Variants in NEXN observed in about 807,000 individuals in gnomAD.
NEXN encodes nexilin F-actin binding protein.
NEXN carries 65 observed loss-of-function variants against 92.6 expected under a neutral mutation model. That is an observed-to-expected ratio of 0.70 (90% confidence interval 0.57 to 0.86). The LOEUF (loss-of-function observed/expected upper bound fraction) is 0.86, where lower values mean the gene tolerates loss of function less well. NEXN is among the 40% of genes least tolerant of loss of function. The pLI, the probability that NEXN is intolerant of heterozygous loss-of-function variation, is 0.00. For missense variants in NEXN, 778 were observed against 771.1 expected, an observed-to-expected ratio of 1.01 and a Z score of -0.11; for synonymous variants, 254 against 242.5, an observed-to-expected ratio of 1.05 and a Z score of -0.44.
intron 1 of NEXN, among the ~76,000 whole-genome samples, chr1:77,913,307 C>T (rs1450733179): frequency 5.3e-5 from 8 of 151,464 alleles, no homozygotes; most frequent in South Asian, 2.1e-4. Context: ...CCCAGCTGCT[C>T]GGGAGGCTGA....
chr1:77,932,935 C>T, intron 9 of NEXN: 1 of 204,186 alleles, frequency 4.9e-6, no homozygotes, highest in South Asian at 8.6e-5. Context: ...GAGGCCAAGG[C>T]AGACGGATCA....
At chr1:77,894,785 G>A (rs1362080646) in intron 1 of NEXN, among the ~76,000 whole-genome samples, 3 of 150,874 alleles carry the variant, frequency 2.0e-5, no homozygotes, top group Non-Finnish European at 3.0e-5. Flanking sequence ...GCCTGATCCC[G>A]GCTAACTGCA....
At chr1:77,897,676 A>G (rs946683960) in intron 1 of NEXN, among the ~76,000 whole-genome samples, 1 of 152,184 alleles carries the variant, frequency 6.6e-6, no homozygotes, top group Non-Finnish European at 1.5e-5. Context: ...TAGGCAGGAG[A>G]AGGAAATAAA....
intron 5 of NEXN, among the ~76,000 whole-genome samples, chr1:77,918,891 T>A (rs1289630212): frequency 6.6e-6 from 1 of 152,184 alleles, no homozygotes; most frequent in Non-Finnish European, 1.5e-5. Flanking sequence ...TGTAAGGCAA[T>A]TTCACATATA....
intron 1 of NEXN, among the ~76,000 whole-genome samples, chr1:77,910,446 A>C (rs1648469742): frequency 6.6e-6 from 1 of 152,152 alleles, no homozygotes; most frequent in Non-Finnish European, 1.5e-5. Context: ...TCTATGAAAA[A>C]GCCAATAGAA....
Position 77,917,650 on chromosome 1 carries a change from A to G in NEXN, c.112A>G (p.Met38Val). 6.2e-7 allele frequency: 1 copy of G among 1,613,454 alleles called. No individual in the cohort carries two copies. The highest frequency in any genetic ancestry group is 8.5e-7 in the Non-Finnish European group (1 of 1,179,620). Reference protein sequence around the residue: ...KGDVKDKFEAMQRAREERNQR... With the variant: ...KGDVKDKFEAVQRAREERNQR... ...TGATGTAAAGGATAAGTTTGAAGCCATGCAGAGAGCCAGGGAAGAAAGAAA... is the reference window on the plus strand; with the variant it reads ...TGATGTAAAGGATAAGTTTGAAGCCGTGCAGAGAGCCAGGGAAGAAAGAAA... The change falls in exon 3 of 13, where the codon ATG becomes GTG. Residue 38 changes from methionine to valine, a missense_variant. Met to Val is a conservative substitution (Grantham distance 21). Around this residue, in one of 3 missense-constraint regions of NEXN, gnomAD observed 236 missense variants for 265.6 expected, o/e 0.89. Transcript: ENST00000334785.
At chr1:77,930,349 A>G (rs1650188307) in intron 9 of NEXN, among the ~76,000 whole-genome samples, 1 of 152,090 alleles carries the variant, frequency 6.6e-6, no homozygotes, top group Non-Finnish European at 1.5e-5. Flanking sequence ...CTACCTCCTA[A>G]ATCACTATGA....
intron 1 of NEXN, among the ~76,000 whole-genome samples, chr1:77,892,157 G>A (rs909316769): frequency 8.6e-5 from 13 of 151,692 alleles, no homozygotes; most frequent in African/African-American, 1.9e-4. Flanking sequence ...ATCGATTTAC[G>A]TCCTCTCTTA....
At chr1:77,909,157 A>G (rs866899625) in intron 1 of NEXN, among the ~76,000 whole-genome samples, 1 of 152,216 alleles carries the variant, frequency 6.6e-6, no homozygotes. Context: ...ATGGTGGCTC[A>G]TGCCTGTAAT....
In NEXN at chr1:77,917,639, A is replaced by C; in HGVS notation, c.101A>C (p.Lys34Thr). Residue 34 changes from lysine to threonine, a missense_variant, in exon 3 of 13, where the codon AAG (lysine) becomes ACG (threonine). Physicochemically the swap from Lys to Thr is moderately conservative, Grantham distance 78. This residue lies in a region of NEXN where 236 missense variants were observed against 265.6 expected (regional missense o/e 0.89). Coordinates refer to ENST00000334785, the MANE Select transcript of NEXN (RefSeq NM_144573.4). ...PKLGKGDVKD[K>T]FEAMQRAREE... ...CTTGGCAAGGGTGATGTAAAGGATAAGTTTGAAGCCATGCAGAGAGCCAGG... is the reference window on the plus strand; with the variant it reads ...CTTGGCAAGGGTGATGTAAAGGATACGTTTGAAGCCATGCAGAGAGCCAGG... The C allele has an allele frequency of 1.2e-6, 2 of 1,613,594 alleles. No individual in the cohort carries two copies. Among genetic ancestry groups the C allele is most frequent in the Non-Finnish European group, 1.7e-6 (2 of 1,179,714 alleles).
intron 1 of NEXN, among the ~76,000 whole-genome samples, chr1:77,912,069 ACT>A (rs1648630400): frequency 6.8e-6 from 1 of 147,312 alleles, no homozygotes; most frequent in African/African-American, 2.5e-5. Context: ...ACAGAGTGAG[ACT>A]CTGTCTCAAA....
rs1359342078 is a variant in NEXN, at chr1:77,942,953, A to G, written c.*124A>G. The G allele has an allele frequency of 1.5e-6, 2 of 1,306,914 alleles. No homozygotes were observed. Among genetic ancestry groups the G allele is most frequent in the Admixed American group, 2.0e-5 (1 of 50,080 alleles). 81.0% of individuals were successfully genotyped at this position (1,306,914 alleles called of 1,614,324 possible). A position where few individuals can be genotyped will look rare whatever the true frequency, so the allele number is the denominator to read the frequency against. On this transcript the variant is annotated 3_prime_UTR_variant, in exon 13 of 13. Coordinates refer to ENST00000334785, the MANE Select transcript of NEXN (RefSeq NM_144573.4). ...CCCTGGAACTTTCTCTTTCACTCCA[A>G]CTTTCTTACTACATCCATCTTTTCT... is the stretch of plus-strand genomic sequence containing the variant.
rs1177944423 is a variant in NEXN at position 77,910,464 on chromosome 1, GTTA to G, written c.-52-5587_-52-5585del. Among the ~76,000 whole-genome samples the G allele has an allele frequency of 2.0e-4, 30 of 152,186 alleles. No homozygotes were observed. The East Asian group carries it at 5.4e-3, about 27-fold the overall frequency. On this transcript the variant is annotated intron_variant, in intron 1 of 12. Coordinates refer to ENST00000334785, the MANE Select transcript of NEXN (RefSeq NM_144573.4). ...ATGAAAAAGCCAATAGAACTAATAAGTTATTAGGCTGGGCTCGGTGGCTAACGC... is the reference window on the plus strand; with the variant it reads ...ATGAAAAAGCCAATAGAACTAATAAGTTAGGCTGGGCTCGGTGGCTAACGC...
chr1:77,916,901 A>G (rs1649021585), intron 2 of NEXN, among the ~76,000 whole-genome samples: 2 of 152,162 alleles, frequency 1.3e-5, no homozygotes, highest in East Asian at 3.8e-4. Context: ...AATTCCTCTT[A>G]CAGCCCGCCC....
chr1:77,904,302 A>AT (rs1056155137), intron 1 of NEXN, among the ~76,000 whole-genome samples: 3 of 152,084 alleles, frequency 2.0e-5, no homozygotes, highest in Admixed American at 6.6e-5. Flanking sequence ...GATATTTGGA[A>AT]TTTTTTAAAA....
Position 77,929,337 on chromosome 1 carries a change from C to A in NEXN, c.886C>A (p.Gln296Lys). The A allele has an allele frequency of 6.2e-7, 1 of 1,612,996 alleles. No individual in the cohort carries two copies. Among genetic ancestry groups the A allele is most frequent in the South Asian group, 1.1e-5 (1 of 90,946 alleles). ...RQMVNEDEEN[Q>K]DTAKIFKGYR... is the part of the protein sequence containing the mutation. ...TTAGGTAAATGAAGATGAGGAAAAC[C>A]AAGACACAGCAAAAATTTTTAAAGG... is the stretch of plus-strand genomic sequence containing the variant. Residue 296 changes from glutamine (Q) to lysine (K), a missense_variant, in exon 9 of 13, where the codon CAA becomes AAA. Physicochemically the swap from Gln to Lys is moderately conservative, Grantham distance 53 (BLOSUM62 1). Coordinates refer to ENST00000334785, the MANE Select transcript of NEXN (RefSeq NM_144573.4).
Position 77,935,831 on chromosome 1 carries a change from A to T in NEXN, c.1260A>T (p.Glu420Asp), listed in dbSNP as rs748109309. 2.5e-6 allele frequency: 4 copies of T among 1,611,764 alleles called. No homozygotes were observed. Among genetic ancestry groups the T allele is most frequent in the Non-Finnish European group, 3.4e-6 (4 of 1,179,474 alleles). The change falls in exon 11 of 13, where the codon GAA becomes GAT. Residue 420 changes from glutamate (E) to aspartate (D), a missense_variant. By Grantham distance (45) the Glu-to-Asp change is conservative. Around this residue, in one of 3 missense-constraint regions of NEXN, gnomAD observed 532 missense variants for 476.7 expected, o/e 1.12. Transcript: ENST00000334785. ...ATTAATTTTTTTTGAAGGAAGAGGA[A>T]GAAAATGAAACCTTTGGATTGAGCA... Reference protein sequence around the residue: ...QLRQEMGEEEEENETFGLSRE... With the variant: ...QLRQEMGEEEDENETFGLSRE...
intron 1 of NEXN, among the ~76,000 whole-genome samples, chr1:77,912,187 C>T (rs1355862196): frequency 6.6e-6 from 1 of 151,398 alleles, no homozygotes; most frequent in Non-Finnish European, 1.5e-5. Context: ...ATCTAAAAAA[C>T]AACACCATTT....
intron 11 of NEXN, among the ~76,000 whole-genome samples, chr1:77,939,697 CTGAA>C (rs1183636193): frequency 9.9e-5 from 15 of 152,160 alleles, no homozygotes; most frequent in African/African-American, 3.6e-4. Context: ...TCAGAATATC[CTGAA>C]TGGAGTTTCC....
Sources: allele counts gnomAD v4.1 joint callset (sites outside exome capture counted in the v4.1 genomes callset), GRCh38; gene constraint gnomAD v4.1.1; regional missense constraint gnomAD v4.1.1; transcripts MANE v1.5; gene names NCBI Gene and HGNC (gene_info 2026-07-23, HGNC 2026-07-21).